FBN2: variants seen among roughly 807,000 people sequenced by gnomAD.
FBN2 encodes fibrillin 2.
Under a neutral mutation model 355.6 loss-of-function variants are expected in FBN2, and 105 were observed. That is an observed-to-expected ratio of 0.30 (90% CI 0.25 to 0.35). The LOEUF is 0.35. Among genes scored for constraint, FBN2 ranks in the 10% least tolerant of loss-of-function variants. FBN2 has a pLI of 1.00. For synonymous variants in FBN2, 1,350 were observed against 1,301.2 expected (o/e 1.04, Z -0.81); for missense variants, 3,280 against 3,758.7 (o/e 0.87, Z 3.33).
At chr5:128,491,769 A>T (rs868350120) in intron 5 of FBN2, among the ~76,000 whole-genome samples, 1 of 152,228 alleles carries the variant, frequency 6.6e-6, no homozygotes, top group African/African-American at 2.4e-5. Context: ...ACCATATTAA[A>T]ATTGAATGGC....
chr5:128,328,336 AC>A, intron 34 of FBN2: 1 of 500,588 alleles, frequency 2.0e-6, no homozygotes, highest in Non-Finnish European at 3.6e-6. Flanking sequence ...TTTGATAAAC[AC>A]AATAAATAGT....
In FBN2 at chr5:128,377,772, G is replaced by A; in HGVS notation, c.1829C>T (p.Thr610Ile). ...CATACCAACACAGTTTTTTCCATCTGTAGTTAATTCAAAGCCGGCATTGCA... is the reference window on the plus strand; with the variant it reads ...CATACCAACACAGTTTTTTCCATCTATAGTTAATTCAAAGCCGGCATTGCA... ...CICNAGFELTTDGKNCVDHDE... is the reference protein window; with the variant it reads ...CICNAGFELTIDGKNCVDHDE... The change falls in exon 13 of 65, where the codon ACA becomes ATA. Residue 610 changes from threonine (T) to isoleucine (I), a missense_variant. Around this residue, in one of 6 missense-constraint regions of FBN2, gnomAD observed 2,284 missense variants for 2,749.5 expected, o/e 0.83. Coordinates refer to ENST00000262464, the MANE Select transcript of FBN2 (RefSeq NM_001999.4). The A allele has an allele frequency of 6.2e-7, 1 of 1,613,476 alleles. No individual in the cohort carries two copies. Among genetic ancestry groups the A allele is most frequent in the Non-Finnish European group, 8.5e-7 (1 of 1,179,604 alleles).
At chr5:128,344,993 G>A (rs1031068437) in intron 24 of FBN2, among the ~76,000 whole-genome samples, 6 of 152,138 alleles carry the variant, frequency 3.9e-5, no homozygotes, top group Admixed American at 6.5e-5. Context: ...GAGCCACCAC[G>A]CCCGGCCAAA....
At position 128,395,160 on chromosome 5, in the gene FBN2, A is replaced by G. The variant is rs1459857527; in HGVS notation, c.1193T>C (p.Ile398Thr). ...CCCEPGRCWG[I>T]GTIPEACPVR... ...AGGACAGGCTTCAGGAATGGTTCCG[A>G]TGCCCCAGCAGCGGCCAGGCTCACA... The change falls in exon 9 of 65, where the codon ATC becomes ACC. Residue 398 changes from isoleucine to threonine, a missense_variant. Ile to Thr is a moderately conservative substitution (Grantham distance 89). Transcript: ENST00000262464. The G allele has an allele frequency of 1.9e-6, 3 of 1,614,092 alleles. No homozygotes were observed. Among genetic ancestry groups the G allele is most frequent in the Admixed American group, 3.3e-5 (2 of 60,020 alleles).
At chr5:128,394,932 T>C (rs569036441) in intron 9 of FBN2, among the ~76,000 whole-genome samples, 190 bp downstream of exon 9, 3 of 152,288 alleles carry the variant, frequency 2.0e-5, no homozygotes, top group East Asian at 1.9e-4. Context: ...ATTACAGGCA[T>C]GCACCACCAT....
chr5:128,470,380 G>A (rs1382733237), intron 5 of FBN2, among the ~76,000 whole-genome samples: 2 of 152,160 alleles, frequency 1.3e-5, no homozygotes, highest in Non-Finnish European at 2.9e-5. Context: ...AAGACAATGA[G>A]TACAACCAGA....
rs567606124 is a variant in FBN2, at chr5:128,362,996, C to T, written c.2429-1148G>A. Among the ~76,000 whole-genome samples the T allele has an allele frequency of 2.0e-5, 3 of 152,166 alleles. No individual in the cohort carries two copies. The South Asian group carries it at 6.2e-4, about 32-fold the overall frequency. ...CTGATAATATTCTTTTGTGTATTAT[C>T]TGACCCTTTCCTTTCTTGATCTTGT... is the stretch of plus-strand genomic sequence containing the variant. On this transcript the variant is annotated intron_variant, in intron 18 of 64. Coordinates refer to ENST00000262464, the MANE Select transcript of FBN2 (RefSeq NM_001999.4).
chr5:128,484,749 C>G (rs865994443), intron 5 of FBN2, among the ~76,000 whole-genome samples: 28 of 152,240 alleles, frequency 1.8e-4, no homozygotes, highest in African/African-American at 6.5e-4. Flanking sequence ...AAGTGAGACA[C>G]AGAGAGAGGT....
intron 40 of FBN2, 77 bp from the exon 41 acceptor site, chr5:128,309,476 AT>A (rs1418237030): frequency 7.8e-7 from 1 of 1,281,908 alleles, no homozygotes; most frequent in Non-Finnish European, 1.1e-6. Context: ...AGCTGTAGAC[AT>A]CAAGCTTTCC....
intron 48 of FBN2, among the ~76,000 whole-genome samples, chr5:128,293,571 C>T (rs934887960): frequency 6.3e-4 from 95 of 151,426 alleles, no homozygotes; most frequent in Admixed American, 1.6e-3. Flanking sequence ...TGAAGGAAAA[C>T]GAAATATTTC....
chr5:128,282,822 G>A (rs559243745), intron 55 of FBN2, among the ~76,000 whole-genome samples: 17 of 152,164 alleles, frequency 1.1e-4, no homozygotes, highest in African/African-American at 4.1e-4. Flanking sequence ...ACTCTTGTCC[G>A]ATGCTCCCCT....
chr5:128,507,358 T>TA (rs992263805), intron 5 of FBN2, among the ~76,000 whole-genome samples: 2 of 152,024 alleles, frequency 1.3e-5, no homozygotes, highest in Non-Finnish European at 2.9e-5. Flanking sequence ...AAGTCCCTGA[T>TA]AAAAAAATTA....
Position 128,318,266 on chromosome 5 carries a change from C to T in FBN2, c.4600G>A (p.Asp1534Asn), listed in dbSNP as rs752133573. Residue 1534 changes from aspartate (D) to asparagine (N), a missense_variant, in exon 36 of 65, where the codon GAT becomes AAT. By Grantham distance (23) the Asp-to-Asn change is conservative. Around this residue, in one of 6 missense-constraint regions of FBN2, gnomAD observed 2,284 missense variants for 2,749.5 expected, o/e 0.83. Coordinates refer to ENST00000262464, the MANE Select transcript of FBN2 (RefSeq NM_001999.4). ...CAGTTTATAGGATCTGCACACTCATCAATATCTAGGAGAAGCATTTAAAAT... is the reference window on the plus strand; with the variant it reads ...CAGTTTATAGGATCTGCACACTCATTAATATCTAGGAGAAGCATTTAAAAT... The part of the protein sequence containing the change: ...DRTGGNCTDI[D>N]ECADPINCVN... 1 of 1,614,046 alleles carries T rather than the reference C, an allele frequency of 6.2e-7. No homozygotes were observed. Among genetic ancestry groups the T allele is most frequent in the Non-Finnish European group, 8.5e-7 (1 of 1,179,954 alleles).
At position 128,537,512 on chromosome 5, in the gene FBN2, T is replaced by G. The variant is rs1561505081; in HGVS notation, c.92A>C (p.Gln31Pro). ...LWAQGTAGQPQPPPPKPPRPQ... is the reference protein window; with the variant it reads ...LWAQGTAGQPPPPPPKPPRPQ... ...CCGGGGCGGCTTGGGCGGAGGAGGC[T>G]GAGGCTGGCCGGCCGTGCCCTGCGC... is the stretch of plus-strand genomic sequence containing the variant. The change falls in exon 1 of 65, where the codon CAG becomes CCG. Residue 31 changes from glutamine to proline, a missense_variant. Physicochemically the swap from Gln to Pro is moderately conservative, Grantham distance 76. Transcript: ENST00000262464. The G allele has an allele frequency of 6.3e-7, 1 of 1,577,790 alleles. No homozygotes were observed.
rs1215565334 is a variant in FBN2 at position 128,299,507 on chromosome 5, C to A, written c.6166+1310G>T. ...GGCATAGGACCCTCCGAGCCATGTG[C>A]GGGATATAATCTCCTGGTGCGCCGT... On this transcript the variant is annotated intron_variant, in intron 48 of 64. Transcript: ENST00000262464. Among the ~76,000 whole-genome samples, 3 of 151,508 alleles carry A rather than the reference C, an allele frequency of 2.0e-5. No individual in the cohort carries two copies. The East Asian group carries it at 5.8e-4, about 29-fold the overall frequency.
At chr5:128,301,626 C>T (rs1187683806) in intron 46 of FBN2, 116 bp from the exon 47 acceptor site, 5 of 972,794 alleles carry the variant, frequency 5.1e-6, no homozygotes, top group Non-Finnish European at 8.2e-6. Flanking sequence ...TCCCATATTA[C>T]AACTCCTCAT....
intron 6 of FBN2, among the ~76,000 whole-genome samples, chr5:128,447,611 G>A (rs116934795): frequency 6.6e-5 from 10 of 152,178 alleles, no homozygotes; most frequent in South Asian, 2.1e-4. Context: ...ATTTCGGCCC[G>A]GTCCTGCGAT....
chr5:128,392,256 AT>A (rs2126977571), intron 10 of FBN2, 101 bp from the exon 11 acceptor site: 1 of 953,928 alleles, frequency 1.0e-6, no homozygotes, highest in East Asian at 2.6e-5. Flanking sequence ...AATTAGATGT[AT>A]ATCAGAAGCT....
At chr5:128,512,512 CAAAAA>C (rs1158661549) in intron 5 of FBN2, among the ~76,000 whole-genome samples, 2 of 60,682 alleles carry the variant, frequency 3.3e-5, no homozygotes, top group Non-Finnish European at 6.2e-5. Context: ...GAACCCGTCT[CAAAAA>C]AAAAAAAAAA....
Sources: allele counts gnomAD v4.1 joint callset (sites outside exome capture counted in the v4.1 genomes callset), GRCh38; gene constraint gnomAD v4.1.1; regional missense constraint gnomAD v4.1.1; transcripts MANE v1.5; gene names NCBI Gene and HGNC (gene_info 2026-07-23, HGNC 2026-07-21).